Variants in SMIM36 observed in about 807,000 individuals in gnomAD.
SMIM36 encodes the protein small integral membrane protein 36.
chr17:55,476,471 T>C (rs1388156744), intron 3 of SMIM36, among the ~76,000 whole-genome samples: 2 of 152,200 alleles, frequency 1.3e-5, no homozygotes, highest in Non-Finnish European at 2.9e-5. Flanking sequence ...ATTGCTCACA[T>C]AAAGCCTGTT....
intron 4 of SMIM36, among the ~76,000 whole-genome samples, chr17:55,456,928 T>G (rs1306392490): frequency 6.6e-6 from 1 of 152,194 alleles, no homozygotes; most frequent in Non-Finnish European, 1.5e-5. Context: ...CTTTAGTCTT[T>G]TAGGCACCAT....
rs141135959 is a variant in SMIM36, at chr17:55,484,198, T to C, written c.*175-4618A>G. On this transcript the variant is annotated intron_variant, in intron 1 of 4. Coordinates refer to ENST00000636752, the Ensembl canonical transcript of SMIM36. ...AAAAATTAATAAATTGGACACTACTTGAAGTAACTAAGGTTTCAACTTCCC... is the reference window on the plus strand; with the variant it reads ...AAAAATTAATAAATTGGACACTACTCGAAGTAACTAAGGTTTCAACTTCCC... 3.5e-3 allele frequency among the ~76,000 whole-genome samples: 536 copies of C among 152,290 alleles called. 2 individuals are homozygous for C. The highest frequency in any genetic ancestry group is 0.012 in the African/African-American group (495 of 41,552).
intron 4 of SMIM36, among the ~76,000 whole-genome samples, chr17:55,462,085 C>T: frequency 6.6e-6 from 1 of 152,118 alleles, no homozygotes; most frequent in Non-Finnish European, 1.5e-5. Flanking sequence ...TTAGGGCAAG[C>T]AGTTTGATGT....
intron 1 of SMIM36, among the ~76,000 whole-genome samples, chr17:55,481,416 G>A (rs897709616): frequency 6.6e-5 from 10 of 152,098 alleles, no homozygotes; most frequent in African/African-American, 2.4e-4. Context: ...TATATACCAA[G>A]TAGAGAGAAT....
the SMIM36 span, among the ~76,000 whole-genome samples, chr17:55,516,477 C>T: frequency 5.1e-3 from 769 of 150,054 alleles, 13 homozygotes; most frequent in African/African-American, 0.017. Context: ...CTTTGTGTAT[C>T]AAGAGACCAA....
chr17:55,512,083 T>A (rs716391), upstream of SMIM36, among the ~76,000 whole-genome samples: 1 of 151,906 alleles, frequency 6.6e-6, no homozygotes, highest in African/African-American at 2.4e-5. Context: ...AAGGGACAAA[T>A]AGAGGGTAAG....
At chr17:55,494,708 G>A (rs914348093) in intron 1 of SMIM36, among the ~76,000 whole-genome samples, 1 of 151,662 alleles carries the variant, frequency 6.6e-6, no homozygotes, top group African/African-American at 2.4e-5. Flanking sequence ...ACACTCACAC[G>A]AGTGCTAAAA....
At chr17:55,514,104 A>G (rs2144727234), upstream of SMIM36, among the ~76,000 whole-genome samples, 1 of 152,046 alleles carries the variant, frequency 6.6e-6, no homozygotes, top group South Asian at 2.1e-4. Context: ...TGTTTTACTT[A>G]ATTAACCTGG....
chr17:55,494,114 CCT>C (rs1239575550), intron 1 of SMIM36, among the ~76,000 whole-genome samples: 1 of 152,114 alleles, frequency 6.6e-6, no homozygotes, highest in African/African-American at 2.4e-5. Context: ...ATGTAAAAAT[CCT>C]CTCTCCTTTT....
At chr17:55,458,480 A>T (rs2143234051) in intron 4 of SMIM36, 1 of 152,360 alleles carries the variant, frequency 6.6e-6, no homozygotes, top group African/African-American at 2.4e-5. Context: ...AGGTGAGGAC[A>T]GACATTTCCT....
At chr17:55,476,382 A>G (rs1909426753) in intron 3 of SMIM36, among the ~76,000 whole-genome samples, 1 of 151,584 alleles carries the variant, frequency 6.6e-6, no homozygotes, top group Non-Finnish European at 1.5e-5. Context: ...ACCTACCCAA[A>G]TCCTATAAAA....
At chr17:55,462,539 G>C (rs2143242564) in intron 4 of SMIM36, among the ~76,000 whole-genome samples, 1 of 152,292 alleles carries the variant, frequency 6.6e-6, no homozygotes, top group South Asian at 2.1e-4. Context: ...CTAGGAATTT[G>C]AAGTTGCAGT....
intron 1 of SMIM36, among the ~76,000 whole-genome samples, chr17:55,494,658 T>C (rs2144711551): frequency 6.6e-6 from 1 of 152,238 alleles, no homozygotes; most frequent in South Asian, 2.1e-4. Context: ...TATACAAATG[T>C]ATACTTTTGT....
At chr17:55,501,961 A>T (rs1318203617) in intron 1 of SMIM36, among the ~76,000 whole-genome samples, 1 of 149,196 alleles carries the variant, frequency 6.7e-6, no homozygotes, top group Non-Finnish European at 1.5e-5. Context: ...GAAAGGGGTG[A>T]CGGACGCACC....
intron 1 of SMIM36, among the ~76,000 whole-genome samples, chr17:55,497,044 T>C (rs1909821381): frequency 6.6e-6 from 1 of 152,118 alleles, no homozygotes; most frequent in Non-Finnish European, 1.5e-5. Flanking sequence ...ACTTGGATAC[T>C]TTAGGGATAA....
intron 3 of SMIM36, among the ~76,000 whole-genome samples, chr17:55,475,684 T>A (rs1909416029): frequency 6.6e-6 from 1 of 152,196 alleles, no homozygotes; most frequent in Admixed American, 6.5e-5. Context: ...AAGCAAATAA[T>A]TACACTGAAC....
At position 55,452,817 on chromosome 17, in the gene SMIM36, T is replaced by C. The variant is rs559774637; in HGVS notation, c.*532-2519A>G. On this transcript the variant is annotated intron_variant, in intron 4 of 4. Coordinates refer to ENST00000636752, the Ensembl canonical transcript of SMIM36. ...TAAATTGTGTCTTTCCTTAGACATA[T>C]AATTCCAGTGACAACAAAGCCATTA... 2.6e-5 allele frequency among the ~76,000 whole-genome samples: 4 copies of C among 152,340 alleles called. No homozygotes were observed. In the East Asian group the frequency reaches 5.8e-4, roughly 22 times the overall value.
the SMIM36 span, among the ~76,000 whole-genome samples, chr17:55,521,875 C>T: frequency 2.2e-5 from 3 of 134,574 alleles, no homozygotes; most frequent in Non-Finnish European, 3.3e-5. Flanking sequence ...TTTTTTTTGC[C>T]AACCCACTCT....
intron 3 of SMIM36, among the ~76,000 whole-genome samples, chr17:55,472,882 GA>G (rs1749779954): frequency 2.5e-5 from 3 of 120,450 alleles, no homozygotes; most frequent in African/African-American, 5.9e-5. Context: ...AAAAAAAAAA[GA>G]AAAGAAAAGA....
Sources: allele counts gnomAD v4.1 joint callset (sites outside exome capture counted in the v4.1 genomes callset), GRCh38; gene constraint gnomAD v4.1.1; transcripts MANE v1.5; gene names NCBI Gene and HGNC (gene_info 2026-07-23, HGNC 2026-07-21).